FYB1: variants seen among roughly 807,000 people sequenced by gnomAD.
FYB1 encodes the protein FYN binding protein 1.
In FYB1, 41 loss-of-function variants were observed where a neutral mutation model predicts 94.1. The observed-to-expected ratio is 0.44, with a 90% CI of 0.34 to 0.57. The LOEUF (loss-of-function observed/expected upper bound fraction) is 0.57. Ranked by LOEUF, FYB1 falls within the 20% of genes least tolerant of loss-of-function variation. FYB1 has a pLI of 0.02. For synonymous variants in FYB1, 367 were observed against 353.2 expected (o/e 1.04, Z -0.44); for missense variants, 1,050 against 976.8 (o/e 1.07, Z -1.00).
intron 1 of FYB1, among the ~76,000 whole-genome samples, chr5:39,237,516 CTCAA>C (rs1751020731): frequency 6.6e-6 from 1 of 151,846 alleles, no homozygotes; most frequent in Non-Finnish European, 1.5e-5. Context: ...TTTTTGCTTA[CTCAA>C]TCAATAAGAT....
At chr5:39,188,576 C>T (rs1747063974) in intron 2 of FYB1, among the ~76,000 whole-genome samples, 2 of 129,968 alleles carry the variant, frequency 1.5e-5, no homozygotes, top group Non-Finnish European at 3.2e-5. Flanking sequence ...CAGAGTTTCG[C>T]TCTTGTTGCC....
chr5:39,194,719 G>A (rs185878636), intron 2 of FYB1, among the ~76,000 whole-genome samples: 20 of 152,228 alleles, frequency 1.3e-4, no homozygotes, highest in Middle Eastern at 3.4e-3. Flanking sequence ...GGGGTAGTTC[G>A]TAAAATTTGA....
intron 2 of FYB1, among the ~76,000 whole-genome samples, chr5:39,187,481 G>A (rs1746939485): frequency 6.6e-6 from 1 of 152,188 alleles, no homozygotes; most frequent in African/African-American, 2.4e-5. Flanking sequence ...AGAACAAGAT[G>A]AACATTGTTA....
At chr5:39,216,926 G>T (rs966312725) in intron 1 of FYB1, among the ~76,000 whole-genome samples, 1 of 152,168 alleles carries the variant, frequency 6.6e-6, no homozygotes, top group Non-Finnish European at 1.5e-5. Flanking sequence ...TGATTTTCCT[G>T]GTTTCTTATC....
intron 14 of FYB1, among the ~76,000 whole-genome samples, chr5:39,120,595 CA>C (rs1343832941): frequency 6.6e-6 from 1 of 152,032 alleles, no homozygotes; most frequent in Non-Finnish European, 1.5e-5. Context: ...GAGCTTCCCA[CA>C]TGATATTAAT....
rs1338077127 is a variant in FYB1, at chr5:39,114,976, T to C, written c.2401+3898A>G. Among the ~76,000 whole-genome samples, 5 of 152,136 alleles carry C rather than the reference T, an allele frequency of 3.3e-5. 1 individual carries two copies. In the South Asian group the frequency reaches 1.0e-3, roughly 31 times the overall value. ...AGATTTGAGGAGACATTAATTGTGA[T>C]GGTGTGGCTAGGAGTAGGTACTGGG... On this transcript the variant is annotated intron_variant, in intron 16 of 18. Transcript: ENST00000512982.
At chr5:39,209,494 T>G (rs1279191970) in intron 1 of FYB1, among the ~76,000 whole-genome samples, 1 of 151,906 alleles carries the variant, frequency 6.6e-6, no homozygotes, top group Non-Finnish European at 1.5e-5. Context: ...CCTGGCTAAT[T>G]TTTGTATTTT....
At chr5:39,144,504 T>A (rs1479377690) in intron 3 of FYB1, among the ~76,000 whole-genome samples, 1 of 151,958 alleles carries the variant, frequency 6.6e-6, no homozygotes, top group East Asian at 1.9e-4. Flanking sequence ...AACTTATATC[T>A]TAAAAGAGAA....
intron 1 of FYB1, among the ~76,000 whole-genome samples, chr5:39,249,415 T>C (rs150089443): frequency 0.011 from 1,624 of 152,344 alleles, 17 homozygotes; most frequent in Non-Finnish European, 0.018. Flanking sequence ...AACATGGCTA[T>C]GTTCCAATAA....
chr5:39,215,929 T>C (rs145296857), intron 1 of FYB1, among the ~76,000 whole-genome samples: 81 of 152,286 alleles, frequency 5.3e-4, no homozygotes, highest in African/African-American at 1.8e-3. Flanking sequence ...CTACATCCAA[T>C]GACAAGTGTC....
chr5:39,235,169 A>G (rs1361793423), intron 1 of FYB1, among the ~76,000 whole-genome samples: 5 of 152,000 alleles, frequency 3.3e-5, no homozygotes, highest in African/African-American at 1.2e-4. Flanking sequence ...CTTGCGGGGT[A>G]GTGGAATTGT....
chr5:39,175,665 G>T (rs536414943), intron 2 of FYB1, among the ~76,000 whole-genome samples: 4 of 152,202 alleles, frequency 2.6e-5, no homozygotes, highest in Non-Finnish European at 5.9e-5. Context: ...TAACTACCCA[G>T]TATTCTTCCT....
intron 1 of FYB1, among the ~76,000 whole-genome samples, chr5:39,245,616 G>A (rs538140826): frequency 8.0e-6 from 1 of 124,704 alleles, no homozygotes; most frequent in Non-Finnish European, 1.6e-5. Flanking sequence ...TTTTTTTTTT[G>A]AGACGGAATG....
rs377094253 is a variant in FYB1 at position 39,197,844 on chromosome 5, C to T, written c.1135+3982G>A. 1.4e-4 allele frequency among the ~76,000 whole-genome samples: 21 copies of T among 152,248 alleles called. 1 individual carries two copies. The East Asian group carries it at 2.5e-3, about 18-fold the overall frequency. ...TGCTGTAGGGAAGGAGGCATCTGAG[C>T]GCAGAAATTTCATGGACTTCTGGTG... On this transcript the variant is annotated intron_variant, in intron 2 of 18. Coordinates refer to ENST00000512982, the MANE Select transcript of FYB1 (RefSeq NM_001465.6).
At chr5:39,263,532 T>C (rs949289561) in intron 1 of FYB1, among the ~76,000 whole-genome samples, 7 of 151,852 alleles carry the variant, frequency 4.6e-5, no homozygotes, top group African/African-American at 1.7e-4. Flanking sequence ...CTCCACAGCT[T>C]ACCTAAAAGA....
chr5:39,201,827 G>A lies in FYB1; in HGVS notation c.1134C>T (p.Asn378=), dbSNP rs761874394. 2 of 1,608,730 alleles carry A rather than the reference G, an allele frequency of 1.2e-6. No individual in the cohort carries two copies. The highest frequency in any genetic ancestry group is 3.4e-5 in the Admixed American group (2 of 59,584). ...ATAGCAAACGAGAAAAGAACTCACTGTTTCCAGAAGAGGTTTTGTGGAATT... is the reference window on the plus strand; with the variant it reads ...ATAGCAAACGAGAAAAGAACTCACTATTTCCAGAAGAGGTTTTGTGGAATT... ...LTKFHKTSSG[N]STSKGQTSYS... is the part of the protein sequence containing the mutation. The change falls in exon 2 of 19, where the codon AAC becomes AAT. Residue 378 remains asparagine, a splice_region_variant and synonymous_variant. Transcript: ENST00000512982.
upstream of FYB1, among the ~76,000 whole-genome samples, chr5:39,220,649 G>C (rs1440353322): frequency 1.3e-5 from 2 of 152,266 alleles, no homozygotes; most frequent in East Asian, 1.9e-4. Context: ...CACTTACTGT[G>C]TGGGTCAAGC....
In FYB1 at chr5:39,185,249, G is replaced by A. The variant is rs908161626; in HGVS notation, c.1135+16577C>T. 2.0e-5 allele frequency among the ~76,000 whole-genome samples: 3 copies of A among 152,070 alleles called. No homozygotes were observed. In the East Asian group the frequency reaches 5.8e-4, roughly 29 times the overall value. ...TCTTACCATGTGCACACTCTTCATT[G>A]TTATCATAAATACACTGTCAATACC... On this transcript the variant is annotated intron_variant, in intron 2 of 18. Coordinates refer to ENST00000512982, the MANE Select transcript of FYB1 (RefSeq NM_001465.6).
At chr5:39,198,433 AT>A (rs1426796941) in intron 2 of FYB1, among the ~76,000 whole-genome samples, 1 of 152,224 alleles carries the variant, frequency 6.6e-6, no homozygotes, top group African/African-American at 2.4e-5. Context: ...ATTATAAGTA[AT>A]AAAAGACATA....
Sources: allele counts gnomAD v4.1 joint callset (sites outside exome capture counted in the v4.1 genomes callset), GRCh38; gene constraint gnomAD v4.1.1; transcripts MANE v1.5; gene names NCBI Gene and HGNC (gene_info 2026-07-23, HGNC 2026-07-21).